IMMP2L: variants seen among roughly 807,000 people sequenced by gnomAD.
IMMP2L encodes the protein mitochondrial inner membrane protease subunit 2.
In IMMP2L, 18 loss-of-function variants were observed where a neutral mutation model predicts 19.3. The ratio of observed to expected loss-of-function variants is 0.93; its 90% CI spans 0.64 to 1.38. IMMP2L has a LOEUF of 1.38. Ranked by LOEUF, IMMP2L falls within the 40% of genes most tolerant of loss-of-function variation. The probability of loss-of-function intolerance (pLI) is 0.00; values close to 1 mark genes in which losing one functional copy is unlikely to be tolerated. For synonymous variants in IMMP2L, 76 were observed against 73.0 expected, an observed-to-expected ratio of 1.04 and a Z score of -0.21; for missense variants, 233 against 218.2, an observed-to-expected ratio of 1.07 and a Z score of -0.43.
intron 3 of IMMP2L, among the ~76,000 whole-genome samples, chr7:111,290,857 C>CACACACACACACAT (rs1472194887): frequency 8.9e-4 from 132 of 148,658 alleles, no homozygotes; most frequent in African/African-American, 3.1e-3. Flanking sequence ...CACACACACA[C>CACACACACACACAT]ATATATATAT....
intron 3 of IMMP2L, among the ~76,000 whole-genome samples, chr7:111,158,702 G>C (rs571432151): frequency 2.0e-3 from 306 of 152,142 alleles, no homozygotes; most frequent in Non-Finnish European, 3.6e-3. Flanking sequence ...AATACATATT[G>C]TGTTGAATAA....
intron 3 of IMMP2L, among the ~76,000 whole-genome samples, chr7:111,131,319 G>A (rs1169501015): frequency 1.3e-5 from 2 of 151,972 alleles, no homozygotes; most frequent in Non-Finnish European, 2.9e-5. Flanking sequence ...TCCAGGCTCA[G>A]TCCTAAAGTG....
chr7:110,910,838 T>G (rs972567353), intron 4 of IMMP2L, among the ~76,000 whole-genome samples: 13 of 152,154 alleles, frequency 8.5e-5, no homozygotes, highest in Non-Finnish European at 1.8e-4. Flanking sequence ...TCTAAAACCC[T>G]GGTATTTGCG....
intron 3 of IMMP2L, among the ~76,000 whole-genome samples, chr7:111,189,229 CA>C (rs1437600251): frequency 1.3e-5 from 2 of 151,966 alleles, no homozygotes; most frequent in African/African-American, 4.8e-5. Flanking sequence ...ATAACAAAAT[CA>C]ATTAGAGGAG....
intron 5 of IMMP2L, among the ~76,000 whole-genome samples, chr7:110,750,000 C>T (rs896532546): frequency 5.9e-5 from 9 of 152,078 alleles, no homozygotes; most frequent in Admixed American, 5.3e-4. Context: ...CTTAGACAAG[C>T]TGCCAGGACT....
chr7:111,270,067 G>GTGTGTC (rs1195668538), intron 3 of IMMP2L, among the ~76,000 whole-genome samples: 4 of 150,374 alleles, frequency 2.7e-5, no homozygotes, highest in African/African-American at 9.9e-5. Context: ...CTGTGTGTGT[G>GTGTGTC]TGTGTGTGTG....
chr7:110,773,903 G>A (rs1338690869), intron 5 of IMMP2L, among the ~76,000 whole-genome samples: 2 of 130,866 alleles, frequency 1.5e-5, no homozygotes, highest in South Asian at 2.5e-4. Context: ...ATGACATTGG[G>A]TAAAATAAAA....
At chr7:110,792,449 T>C (rs1800526707) in intron 5 of IMMP2L, among the ~76,000 whole-genome samples, 1 of 149,394 alleles carries the variant, frequency 6.7e-6, no homozygotes, top group Admixed American at 6.6e-5. Flanking sequence ...GATCTCTTGA[T>C]AGTCACTGAG....
intron 3 of IMMP2L, among the ~76,000 whole-genome samples, chr7:111,469,520 G>T (rs1841011596): frequency 6.6e-6 from 1 of 152,096 alleles, no homozygotes; most frequent in East Asian, 1.9e-4. Context: ...TGAAGCAATT[G>T]TGAATGGGAG....
intron 4 of IMMP2L, among the ~76,000 whole-genome samples, chr7:110,921,136 A>G (rs1381834374): frequency 6.6e-6 from 1 of 152,218 alleles, no homozygotes; most frequent in African/African-American, 2.4e-5. Context: ...TTTAAGTGAG[A>G]TAAGCTTTGT....
intron 3 of IMMP2L, among the ~76,000 whole-genome samples, chr7:111,304,667 A>T (rs903508979): frequency 1.2e-4 from 13 of 107,046 alleles, no homozygotes; most frequent in African/African-American, 4.0e-4. Context: ...ATACACATAT[A>T]TAATGTGTGT....
At chr7:111,528,787 T>G (rs1395390658) in intron 1 of IMMP2L, among the ~76,000 whole-genome samples, 1 of 152,048 alleles carries the variant, frequency 6.6e-6, no homozygotes, top group East Asian at 1.9e-4. Flanking sequence ...AAGAGGAAAA[T>G]AATAAGTTAT....
At chr7:111,318,332 A>G (rs936211896) in intron 3 of IMMP2L, among the ~76,000 whole-genome samples, 1 of 152,124 alleles carries the variant, frequency 6.6e-6, no homozygotes, top group Non-Finnish European at 1.5e-5. Flanking sequence ...CAAAGAACAG[A>G]AAAGGGGTTG....
chr7:111,131,437 A>G (rs1371564839), intron 3 of IMMP2L, among the ~76,000 whole-genome samples: 1 of 152,012 alleles, frequency 6.6e-6, no homozygotes, highest in Non-Finnish European at 1.5e-5. Flanking sequence ...CTTGAGTAGA[A>G]AGATTACAAA....
At chr7:111,312,731 A>T (rs1475813719) in intron 3 of IMMP2L, among the ~76,000 whole-genome samples, 2 of 152,120 alleles carry the variant, frequency 1.3e-5, no homozygotes, top group Non-Finnish European at 2.9e-5. Context: ...CCTGCATGGA[A>T]CGGCAATTTT....
chr7:110,852,794 A>G (rs1806369112), intron 5 of IMMP2L, among the ~76,000 whole-genome samples: 1 of 152,062 alleles, frequency 6.6e-6, no homozygotes, highest in Non-Finnish European at 1.5e-5. Context: ...AGAGAGCCCA[A>G]GTGGAGGCAT....
In IMMP2L at chr7:111,301,900, C is replaced by T. The variant is rs533326799; in HGVS notation, c.239+185338G>A. On this transcript the variant is annotated intron_variant, in intron 3 of 5. Transcript: ENST00000405709. ...CAAAATGGTTTTTAAATGTAAATTACGCCATGTCAGTTTCATGCTTTAAAA... is the reference window on the plus strand; with the variant it reads ...CAAAATGGTTTTTAAATGTAAATTATGCCATGTCAGTTTCATGCTTTAAAA... Among the ~76,000 whole-genome samples the T allele has an allele frequency of 4.1e-5, 5 of 122,794 alleles. No individual in the cohort carries two copies. In the East Asian group the frequency reaches 1.0e-3, roughly 25 times the overall value. The allele number at this position is 122,794 out of a possible 152,430, so 80.6% of individuals were successfully genotyped here.
chr7:111,211,558 G>A (rs990107347), intron 3 of IMMP2L, among the ~76,000 whole-genome samples: 1 of 152,178 alleles, frequency 6.6e-6, no homozygotes, highest in Non-Finnish European at 1.5e-5. Context: ...CCAAGGGTAT[G>A]TGATCGGAAA....
chr7:110,817,907 T>C lies in IMMP2L; in HGVS notation c.408+68686A>G, dbSNP rs577882843. Among the ~76,000 whole-genome samples the C allele has an allele frequency of 1.8e-4, 28 of 152,170 alleles. 2 individuals carry two copies. In the South Asian group the frequency reaches 5.2e-3, roughly 28 times the overall value. On this transcript the variant is annotated intron_variant, in intron 5 of 5. Transcript: ENST00000405709. ...AATGGTGCTGCGAAAACTGGCTAGC[T>C]GTATGTAGAAAGCTGAAACTGGATC...
Sources: gnomAD v4.1 joint callset for allele counts (sites outside exome capture counted in the v4.1 genomes callset) on GRCh38, gnomAD v4.1.1 for gene constraint, MANE v1.5 for transcripts, NCBI Gene and HGNC (gene_info 2026-07-23, HGNC 2026-07-21) for gene names.